Variants in ASTN2 observed in about 807,000 individuals in gnomAD.
The protein encoded by ASTN2 is astrotactin-2.
Under a neutral mutation model 139.8 loss-of-function variants are expected in ASTN2, and 54 were observed. The ratio of observed to expected loss-of-function variants is 0.39; its 90% CI spans 0.31 to 0.48. The LOEUF (loss-of-function observed/expected upper bound fraction) is 0.48, where lower values mean the gene tolerates loss of function less well. Among genes scored for constraint, ASTN2 ranks in the 20% least tolerant of loss-of-function variants. The pLI, the probability that ASTN2 is intolerant of heterozygous loss-of-function variation, is 0.95. For missense variants in ASTN2, 1,565 were observed against 1,725.1 expected (o/e 0.91, Z 1.64); for synonymous variants, 756 against 719.5 (o/e 1.05, Z -0.81).
chr9:116,677,300 A>C (rs1859567564), intron 16 of ASTN2, among the ~76,000 whole-genome samples: 1 of 152,100 alleles, frequency 6.6e-6, no homozygotes, highest in Non-Finnish European at 1.5e-5. Flanking sequence ...GAGGCACCAT[A>C]GACCCTGTTT....
chr9:117,233,796 C>T (rs989359207), intron 2 of ASTN2, among the ~76,000 whole-genome samples: 1 of 152,104 alleles, frequency 6.6e-6, no homozygotes, highest in Middle Eastern at 3.2e-3. Context: ...GTTTTCTATC[C>T]CATCTTCACT....
At chr9:116,855,004 C>T (rs1832703538) in intron 11 of ASTN2, among the ~76,000 whole-genome samples, 1 of 151,838 alleles carries the variant, frequency 6.6e-6, no homozygotes, top group African/African-American at 2.4e-5. Flanking sequence ...AAGGGTAAAA[C>T]CCATCACTTT....
At chr9:117,380,157 T>C (rs2130926828) in intron 1 of ASTN2, among the ~76,000 whole-genome samples, 1 of 152,306 alleles carries the variant, frequency 6.6e-6, no homozygotes, top group Middle Eastern at 3.4e-3. Flanking sequence ...CAAGGCACCG[T>C]GCTGGAATCT....
intron 13 of ASTN2, among the ~76,000 whole-genome samples, chr9:116,742,615 C>T (rs577662755): frequency 2.2e-4 from 33 of 152,164 alleles, no homozygotes; most frequent in African/African-American, 3.6e-4. Context: ...GCAAGCCCCT[C>T]GCTCAACAAG....
At chr9:117,411,095 T>A (rs1393874033) in intron 1 of ASTN2, among the ~76,000 whole-genome samples, 1 of 152,178 alleles carries the variant, frequency 6.6e-6, no homozygotes, top group Non-Finnish European at 1.5e-5. Context: ...GGTCTGCCAT[T>A]GATTCCTGGC....
chr9:116,527,521 G>C (rs1461818191), intron 19 of ASTN2, among the ~76,000 whole-genome samples: 1 of 152,146 alleles, frequency 6.6e-6, no homozygotes, highest in Admixed American at 6.5e-5. Flanking sequence ...AAGATGAAAA[G>C]TAAATGTTGG....
intron 11 of ASTN2, among the ~76,000 whole-genome samples, chr9:116,856,272 T>A (rs1832738016): frequency 1.3e-5 from 2 of 152,198 alleles, no homozygotes; most frequent in South Asian, 2.1e-4. Context: ...CAGGGATAAA[T>A]TTAGCTTTGA....
chr9:117,199,127 T>A (rs1420077623), intron 3 of ASTN2, among the ~76,000 whole-genome samples: 1 of 152,206 alleles, frequency 6.6e-6, no homozygotes, highest in African/African-American at 2.4e-5. Flanking sequence ...CAGAAGCTCT[T>A]TAGTTTAATT....
At chr9:117,110,591 C>T (rs191562125) in intron 4 of ASTN2, among the ~76,000 whole-genome samples, 17 of 152,150 alleles carry the variant, frequency 1.1e-4, no homozygotes, top group East Asian at 7.7e-4. Flanking sequence ...CAGAGGAGTA[C>T]GCTAGTAACA....
chr9:117,052,806 C>T (rs1006264062), intron 5 of ASTN2, among the ~76,000 whole-genome samples: 1 of 152,242 alleles, frequency 6.6e-6, no homozygotes, highest in Non-Finnish European at 1.5e-5. Context: ...AAGAGAAGTG[C>T]TTTGCTCAAG....
chr9:116,467,206 C>T (rs1848672372), intron 20 of ASTN2, among the ~76,000 whole-genome samples: 1 of 152,144 alleles, frequency 6.6e-6, no homozygotes, highest in South Asian at 2.1e-4. Flanking sequence ...ATAAGGAAAA[C>T]TCACTTTAGA....
intron 10 of ASTN2, among the ~76,000 whole-genome samples, chr9:116,919,164 TA>T (rs1336015833): frequency 6.6e-6 from 1 of 152,184 alleles, no homozygotes; most frequent in African/African-American, 2.4e-5. Context: ...CCCATAGCAG[TA>T]ATTATCATGT....
chr9:116,618,001 C>G (rs891747480), intron 19 of ASTN2, among the ~76,000 whole-genome samples: 6 of 152,140 alleles, frequency 3.9e-5, no homozygotes, highest in Non-Finnish European at 8.8e-5. Context: ...ATTTACAGAT[C>G]AAGCCCTTCA....
intron 3 of ASTN2, among the ~76,000 whole-genome samples, chr9:117,146,564 G>T (rs1328080003): frequency 1.3e-5 from 2 of 151,936 alleles, no homozygotes; most frequent in Non-Finnish European, 2.9e-5. Context: ...AAGATGAGTG[G>T]GAAGAAGCAG....
At chr9:117,329,027 T>C (rs1326225961) in intron 1 of ASTN2, among the ~76,000 whole-genome samples, 2 of 152,124 alleles carry the variant, frequency 1.3e-5, no homozygotes, top group Admixed American at 6.6e-5. Context: ...TGTGGCCTCT[T>C]GCTGTAGAAG....
At chr9:116,784,871 G>C (rs969931207) in intron 13 of ASTN2, among the ~76,000 whole-genome samples, 8 of 150,896 alleles carry the variant, frequency 5.3e-5, no homozygotes, top group Admixed American at 4.6e-4. Context: ...GGAGGTTGCG[G>C]TGAGCTGAGA....
intron 19 of ASTN2, among the ~76,000 whole-genome samples, chr9:116,489,429 C>T (rs1849443105): frequency 6.6e-6 from 1 of 152,220 alleles, no homozygotes; most frequent in Admixed American, 6.5e-5. Flanking sequence ...CTCTGCCCCG[C>T]AGGCTCAAGA....
At chr9:117,225,794 T>C (rs1832695632) in intron 2 of ASTN2, among the ~76,000 whole-genome samples, 1 of 151,674 alleles carries the variant, frequency 6.6e-6, no homozygotes, top group South Asian at 2.1e-4. Context: ...GTTGTGAAGA[T>C]CGGATAAGGT....
At chr9:116,595,870 G>A (rs955025494) in intron 19 of ASTN2, among the ~76,000 whole-genome samples, 6 of 152,086 alleles carry the variant, frequency 3.9e-5, no homozygotes, top group African/African-American at 1.4e-4. Context: ...ACAGTATGCA[G>A]GTTCCTGAAA....
Sources: allele counts gnomAD v4.1 joint callset (sites outside exome capture counted in the v4.1 genomes callset), GRCh38; gene constraint gnomAD v4.1.1; transcripts MANE v1.5; gene names NCBI Gene and HGNC (gene_info 2026-07-23, HGNC 2026-07-21).